The following ZFHX3 variants were observed in gnomAD, a reference collection of about 807,000 sequenced individuals.
The protein encoded by ZFHX3 is zinc finger homeobox 3.
Under a neutral mutation model 279.1 loss-of-function variants are expected in ZFHX3, and 42 were observed. That is an observed-to-expected ratio of 0.15 (90% CI 0.12 to 0.19). ZFHX3 has a LOEUF of 0.19. ZFHX3 is among the 10% of genes least tolerant of loss of function. The pLI is 1.00. For missense variants in ZFHX3, 4,981 were observed against 4,754.0 expected, an observed-to-expected ratio of 1.05 and a Z score of -1.40; for synonymous variants, 2,293 against 1,957.8, an observed-to-expected ratio of 1.17 and a Z score of -4.52.
chr16:73,654,344 T>C (rs1478397184), intron 2 of ZFHX3, among the ~76,000 whole-genome samples: 1 of 152,112 alleles, frequency 6.6e-6, no homozygotes, highest in African/African-American at 2.4e-5. Context: ...TTCCGACAAA[T>C]AGAAGTTCAG....
At chr16:73,421,049 A>G (rs2017708662) in intron 3 of ZFHX3, 1 of 152,226 alleles carries the variant, frequency 6.6e-6, no homozygotes, top group South Asian at 2.1e-4. Context: ...AATTTACCTA[A>G]TTAAACTAAT....
chr16:73,249,135 C>T (rs1364192387), intron 5 of ZFHX3, among the ~76,000 whole-genome samples: 2 of 152,176 alleles, frequency 1.3e-5, no homozygotes, highest in East Asian at 1.9e-4. Context: ...TGGCCTTGTA[C>T]TTGCAGACAC....
chr16:73,017,148 C>T (rs540821915), intron 1 of ZFHX3, among the ~76,000 whole-genome samples: 12 of 151,688 alleles, frequency 7.9e-5, no homozygotes, highest in Admixed American at 2.0e-4. Context: ...AGATCACCTC[C>T]CTCAGCCTTG....
intron 1 of ZFHX3, among the ~76,000 whole-genome samples, chr16:73,760,503 T>G (rs140321106): frequency 5.7e-4 from 86 of 150,520 alleles, no homozygotes; most frequent in African/African-American, 1.7e-3. Context: ...CCTGGCAGCA[T>G]CATCCTGATA....
intron 3 of ZFHX3, among the ~76,000 whole-genome samples, chr16:72,944,163 T>A (rs1434971107): frequency 1.3e-5 from 2 of 152,114 alleles, no homozygotes; most frequent in African/African-American, 4.8e-5. Context: ...TGTGCACCTG[T>A]GGTCCCAGCA....
At chr16:73,079,116 G>T (rs1965917775) in intron 8 of ZFHX3, among the ~76,000 whole-genome samples, 1 of 151,802 alleles carries the variant, frequency 6.6e-6, no homozygotes, top group Non-Finnish European at 1.5e-5. Context: ...CTGATCTCTG[G>T]AGTCCAACCC....
chr16:73,369,606 C>T (rs186198076), intron 3 of ZFHX3, among the ~76,000 whole-genome samples: 26 of 152,286 alleles, frequency 1.7e-4, no homozygotes, highest in Middle Eastern at 3.4e-3. Flanking sequence ...TCCGGCTCCA[C>T]CACAAAACAG....
intron 4 of ZFHX3, among the ~76,000 whole-genome samples, chr16:73,315,056 T>C (rs1398886897): frequency 6.6e-6 from 1 of 152,008 alleles, no homozygotes. Flanking sequence ...AGTGAAACCC[T>C]GTCTCTACTA....
At chr16:73,594,016 C>G (rs1279831305) in intron 2 of ZFHX3, among the ~76,000 whole-genome samples, 1 of 152,064 alleles carries the variant, frequency 6.6e-6, no homozygotes, top group African/African-American at 2.4e-5. Flanking sequence ...TCCTATTCAA[C>G]ATTATACTGG....
chr16:73,693,483 C>T (rs543756319), intron 1 of ZFHX3, among the ~76,000 whole-genome samples: 2 of 152,074 alleles, frequency 1.3e-5, no homozygotes, highest in African/African-American at 2.4e-5. Context: ...GAAGTGTTCC[C>T]GGATAGCTCC....
chr16:73,409,013 A>G (rs2017417095), intron 3 of ZFHX3, among the ~76,000 whole-genome samples: 1 of 152,118 alleles, frequency 6.6e-6, no homozygotes, highest in Non-Finnish European at 1.5e-5. Flanking sequence ...GTTAGTTTAA[A>G]CACTTCGTTC....
At chr16:73,282,417 T>A (rs1298533044) in intron 4 of ZFHX3, among the ~76,000 whole-genome samples, 1 of 152,254 alleles carries the variant, frequency 6.6e-6, no homozygotes, top group Non-Finnish European at 1.5e-5. Context: ...TCTGTAATTC[T>A]GTTATCTCTT....
At chr16:72,893,897 C>T (rs906337682) in intron 3 of ZFHX3, among the ~76,000 whole-genome samples, 12 of 152,128 alleles carry the variant, frequency 7.9e-5, no homozygotes, top group Admixed American at 2.0e-4. Flanking sequence ...CACCTGTAAA[C>T]CCAGGACTTT....
chr16:73,331,023 A>T (rs548682533), intron 3 of ZFHX3, among the ~76,000 whole-genome samples: 1 of 152,248 alleles, frequency 6.6e-6, no homozygotes, highest in Non-Finnish European at 1.5e-5. Context: ...ATGAAAAAAT[A>T]CCCAAGACTG....
At chr16:73,308,722 T>C (rs193167206) in intron 4 of ZFHX3, among the ~76,000 whole-genome samples, 2 of 152,240 alleles carry the variant, frequency 1.3e-5, no homozygotes, top group Non-Finnish European at 2.9e-5. Context: ...TTATTGAGTG[T>C]TTTCAGAACC....
Position 72,796,397 on chromosome 16 carries a change from G to A in ZFHX3, c.6285C>T (p.Pro2095=), listed in dbSNP as rs748925725. The change falls in exon 9 of 10, where the codon CCC becomes CCT. Residue 2095 remains proline, a synonymous_variant. Transcript: ENST00000268489. ...LTQLSMPMEL[P]IFSPLMMQTM... ...TCTGCATCATCAGCGGCGAGAAGATGGGCAGCTCCATCGGCATGGAGAGCT... is the reference window on the plus strand; with the variant it reads ...TCTGCATCATCAGCGGCGAGAAGATAGGCAGCTCCATCGGCATGGAGAGCT... 3.1e-6 allele frequency: 5 copies of A among 1,613,044 alleles called. No individual in the cohort carries two copies. Among genetic ancestry groups the A allele is most frequent in the South Asian group, 1.1e-5 (1 of 91,068 alleles).
chr16:72,974,417 T>C (rs957496394), intron 1 of ZFHX3, among the ~76,000 whole-genome samples: 1 of 152,126 alleles, frequency 6.6e-6, no homozygotes, highest in African/African-American at 2.4e-5. Context: ...ATCTCCAAAA[T>C]GACTCTGAAA....
intron 3 of ZFHX3, among the ~76,000 whole-genome samples, chr16:73,436,100 T>A (rs2017993225): frequency 6.6e-6 from 1 of 152,122 alleles, no homozygotes. Flanking sequence ...GAGGCCGAGG[T>A]GGGCAAATCA....
At chr16:72,844,014 C>T (rs977696568) in intron 4 of ZFHX3, among the ~76,000 whole-genome samples, 2 of 152,132 alleles carry the variant, frequency 1.3e-5, no homozygotes, top group Non-Finnish European at 2.9e-5. Flanking sequence ...CTCCTACATC[C>T]GCACACACTC....
Sources: gnomAD v4.1 joint callset for allele counts (sites outside exome capture counted in the v4.1 genomes callset) on GRCh38, gnomAD v4.1.1 for gene constraint, MANE v1.5 for transcripts, NCBI Gene and HGNC (gene_info 2026-07-23, HGNC 2026-07-21) for gene names.